GYG1: variants seen among roughly 807,000 people sequenced by gnomAD.
GYG1 encodes glycogenin-1.
A neutral mutation model predicts 41.9 loss-of-function variants in GYG1; 44 were observed. That is an observed-to-expected ratio of 1.05 (90% confidence interval 0.83 to 1.35). GYG1 has a LOEUF of 1.35. GYG1 is among the 40% of genes most tolerant of loss of function. The probability of loss-of-function intolerance (pLI) is 0.00; values close to 1 mark genes in which losing one functional copy is unlikely to be tolerated. For missense variants in GYG1, 429 were observed against 418.9 expected (o/e 1.02, Z -0.21); for synonymous variants, 141 against 158.1 (o/e 0.89, Z 0.81).
At chr3:149,005,698 T>C (rs1311540629) in intron 4 of GYG1, among the ~76,000 whole-genome samples, 1 of 152,268 alleles carries the variant, frequency 6.6e-6, no homozygotes, top group Non-Finnish European at 1.5e-5. Flanking sequence ...TCTGTTCTTG[T>C]GGAATTTAGC....
chr3:149,019,571 CCTGT>C (rs1714260430), intron 5 of GYG1, among the ~76,000 whole-genome samples: 1 of 152,162 alleles, frequency 6.6e-6, no homozygotes. Flanking sequence ...TGAAAACTGC[CCTGT>C]CTATGAAAGG....
chr3:148,993,110 G>C (rs889361494), intron 1 of GYG1, among the ~76,000 whole-genome samples: 13 of 152,256 alleles, frequency 8.5e-5, no homozygotes, highest in African/African-American at 2.6e-4. Flanking sequence ...TATGCATTTG[G>C]ATGCCCACCA....
intron 4 of GYG1, among the ~76,000 whole-genome samples, chr3:148,998,902 G>A (rs185966095): frequency 4.2e-4 from 64 of 152,250 alleles, no homozygotes; most frequent in African/African-American, 1.3e-3. Context: ...GTGTAATCCT[G>A]CCAGAAATTC....
At chr3:148,998,617 A>C (rs1712935964) in intron 4 of GYG1, among the ~76,000 whole-genome samples, 1 of 152,154 alleles carries the variant, frequency 6.6e-6, no homozygotes, top group Admixed American at 6.5e-5. Context: ...ATAAGAAAAT[A>C]ATAATGTGTT....
intron 4 of GYG1, among the ~76,000 whole-genome samples, chr3:148,997,883 C>T (rs987416505): frequency 1.3e-5 from 2 of 152,190 alleles, no homozygotes; most frequent in African/African-American, 4.8e-5. Flanking sequence ...GACTTCTTTC[C>T]TCCTCTCCCC....
At chr3:149,017,582 GTTTTTTTTTTTTTTTT>G (rs58075146) in intron 5 of GYG1, among the ~76,000 whole-genome samples, 6 of 47,380 alleles carry the variant, frequency 1.3e-4, no homozygotes, top group African/African-American at 2.8e-4. Flanking sequence ...TTTTATTTAG[GTTTTTTTTTTTTTTTT>G]TTTTTTTTTT....
chr3:149,001,838 G>GT (rs776837220), intron 4 of GYG1, among the ~76,000 whole-genome samples: 16 of 152,146 alleles, frequency 1.1e-4, no homozygotes, highest in Non-Finnish European at 2.4e-4. Context: ...GCATTCTTGA[G>GT]TATGTATCCT....
chr3:149,006,593 T>C (rs1713417244), intron 4 of GYG1, among the ~76,000 whole-genome samples: 2 of 152,252 alleles, frequency 1.3e-5, no homozygotes, highest in African/African-American at 4.8e-5. Context: ...TTCCGTCTTA[T>C]AGCTGAGAAA....
At chr3:148,994,044 A>C (rs780545596) in intron 1 of GYG1, 98 bp from the exon 2 acceptor site, 2 of 1,033,980 alleles carry the variant, frequency 1.9e-6, no homozygotes, top group Non-Finnish European at 1.5e-6. Flanking sequence ...TGTTAGAGGA[A>C]CTGGTTTTGC....
chr3:148,996,666 A>G (rs1712810828), intron 3 of GYG1, 76 bp from the exon 4 acceptor site: 3 of 1,400,692 alleles, frequency 2.1e-6, no homozygotes, highest in African/African-American at 1.4e-5. Context: ...TTTGTGTTGG[A>G]TGACATAGGA....
In GYG1 at chr3:148,994,327, T is replaced by C. The variant is rs774761255; in HGVS notation, c.143+50T>C. On this transcript the variant is annotated intron_variant, in intron 2 of 7. Transcript: ENST00000345003. The stretch of plus-strand genomic sequence containing the variant: ...CATCCAAGGGGCTCTGACATCCTTC[T>C]CCCTGTTGCTGACATCATTGGACAT... 11 of 1,593,690 alleles carry C rather than the reference T, an allele frequency of 6.9e-6. No individual in the cohort carries two copies. In the South Asian group the frequency reaches 1.2e-4, roughly 18 times the overall value.
In GYG1 at chr3:149,029,030, C is replaced by CAAAT. The variant is rs1002972251; in HGVS notation, c.*2100_*2103dup. ...CTGCACCCAGCAAATTTTTAAATTT[C>CAAAT]AAATAAGTAGTGAAGGCTATTATTA... is the stretch of plus-strand genomic sequence containing the variant. On this transcript the variant is annotated 3_prime_UTR_variant, in exon 8 of 8. Coordinates refer to ENST00000345003, the MANE Select transcript of GYG1 (RefSeq NM_004130.4). Among the ~76,000 whole-genome samples, 2 of 152,044 alleles carry CAAAT rather than the reference C, an allele frequency of 1.3e-5. No individual in the cohort carries two copies. The highest frequency in any genetic ancestry group is 6.6e-5 in the Admixed American group (1 of 15,260).
intron 5 of GYG1, among the ~76,000 whole-genome samples, chr3:149,021,879 C>A (rs934718575): frequency 2.0e-5 from 3 of 151,936 alleles, no homozygotes; most frequent in African/African-American, 7.3e-5. Context: ...CTACTGAAAT[C>A]TAACACTTGA....
At chr3:149,023,126 CT>C (rs1164209906) in intron 5 of GYG1, among the ~76,000 whole-genome samples, 1 of 152,104 alleles carries the variant, frequency 6.6e-6, no homozygotes, top group African/African-American at 2.4e-5. Flanking sequence ...TTTCTTTTTT[CT>C]GGAAACAGCA....
chr3:149,026,042 C>CTA (rs1274407681), intron 6 of GYG1, among the ~76,000 whole-genome samples: 2 of 152,182 alleles, frequency 1.3e-5, no homozygotes, highest in South Asian at 2.1e-4. Context: ...TAATGCAGTC[C>CTA]TATACCCAAA....
intron 6 of GYG1, among the ~76,000 whole-genome samples, chr3:149,025,383 C>T (rs749460285): frequency 5.9e-5 from 9 of 152,184 alleles, no homozygotes; most frequent in Non-Finnish European, 1.3e-4. Flanking sequence ...AGGCAGAGCT[C>T]AGGTGGTAAT....
At chr3:148,998,666 G>T (rs957438674) in intron 4 of GYG1, among the ~76,000 whole-genome samples, 1 of 152,306 alleles carries the variant, frequency 6.6e-6, no homozygotes, top group South Asian at 2.1e-4. Flanking sequence ...AAACTTCTTC[G>T]CTTTACTGAC....
At chr3:148,997,731 GAGA>G (rs1229506527) in intron 4 of GYG1, among the ~76,000 whole-genome samples, 5 of 152,342 alleles carry the variant, frequency 3.3e-5, no homozygotes, top group Admixed American at 2.0e-4. Context: ...ACCCAGAATA[GAGA>G]AGAAGGAGGA....
chr3:149,012,425 T>G (rs1296926282), intron 5 of GYG1, among the ~76,000 whole-genome samples: 2 of 152,198 alleles, frequency 1.3e-5, no homozygotes, highest in African/African-American at 4.8e-5. Context: ...GTGTTTGTCT[T>G]GCCAACTCCA....
Sources: allele counts gnomAD v4.1 joint callset (sites outside exome capture counted in the v4.1 genomes callset), GRCh38; gene constraint gnomAD v4.1.1; transcripts MANE v1.5; gene names NCBI Gene and HGNC (gene_info 2026-07-23, HGNC 2026-07-21).